The following NCK1 variants were observed in gnomAD, a reference collection of about 807,000 sequenced individuals.
NCK1 encodes the protein SH2/SH3 adapter protein NCK1.
Under a neutral mutation model 36.6 loss-of-function variants are expected in NCK1, and 19 were observed. The observed-to-expected ratio is 0.52, with a 90% CI of 0.36 to 0.76. NCK1 has a LOEUF of 0.76. NCK1 is among the 30% of genes least tolerant of loss of function. The probability of loss-of-function intolerance (pLI) is 0.00; values close to 1 mark genes in which losing one functional copy is unlikely to be tolerated. For synonymous variants in NCK1, 165 were observed against 156.0 expected (o/e 1.06, Z -0.43); for missense variants, 358 against 445.6 (o/e 0.80, Z 1.77).
intron 1 of NCK1, among the ~76,000 whole-genome samples, chr3:136,863,571 C>T (rs1938312217): frequency 6.6e-6 from 1 of 152,178 alleles, no homozygotes; most frequent in African/African-American, 2.4e-5. Flanking sequence ...ATGGTGCTTT[C>T]TTTTCATCTT....
At chr3:136,882,622 G>A (rs576976879) in intron 1 of NCK1, among the ~76,000 whole-genome samples, 1 of 151,094 alleles carries the variant, frequency 6.6e-6, no homozygotes, top group South Asian at 2.1e-4. Flanking sequence ...GCAGTCACTT[G>A]GAGCACAGGC....
chr3:136,936,360 G>GTA (rs1940531756), intron 2 of NCK1, among the ~76,000 whole-genome samples: 2 of 152,104 alleles, frequency 1.3e-5, no homozygotes, highest in Admixed American at 6.6e-5. Flanking sequence ...ACTATTATAT[G>GTA]TATATATCAC....
intron 1 of NCK1, among the ~76,000 whole-genome samples, chr3:136,878,045 G>C (rs769104759): frequency 6.6e-6 from 1 of 152,200 alleles, no homozygotes; most frequent in Non-Finnish European, 1.5e-5. Context: ...GCATTATGCT[G>C]TGAAAGAAGC....
At chr3:136,918,836 C>G (rs1940033765) in intron 1 of NCK1, among the ~76,000 whole-genome samples, 1 of 152,142 alleles carries the variant, frequency 6.6e-6, no homozygotes, top group African/African-American at 2.4e-5. Flanking sequence ...CTTTCTTGGC[C>G]TCATTGTCTT....
intron 2 of NCK1, among the ~76,000 whole-genome samples, chr3:136,930,752 A>C (rs1172301426): frequency 2.0e-5 from 3 of 152,220 alleles, no homozygotes; most frequent in Non-Finnish European, 4.4e-5. Context: ...GATATATCCA[A>C]AAATTGTAGT....
chr3:136,944,639 G>GA (rs1940764655), intron 2 of NCK1, among the ~76,000 whole-genome samples: 1 of 152,180 alleles, frequency 6.6e-6, no homozygotes, highest in South Asian at 2.1e-4. Context: ...AGAGAGTCAG[G>GA]AAAGATAGTA....
intron 2 of NCK1, among the ~76,000 whole-genome samples, chr3:136,928,983 A>G (rs1340246809): frequency 6.6e-6 from 1 of 152,026 alleles, no homozygotes; most frequent in Non-Finnish European, 1.5e-5. Flanking sequence ...TTCTTTGTCT[A>G]GGTGTAGAAG....
intron 1 of NCK1, among the ~76,000 whole-genome samples, chr3:136,891,740 G>C (rs1048088406): frequency 1.3e-5 from 2 of 152,234 alleles, no homozygotes; most frequent in Non-Finnish European, 2.9e-5. Context: ...TAACCATGGT[G>C]ATGGTTGTGA....
intron 1 of NCK1, chr3:136,867,561 A>G (rs955750436): frequency 6.6e-6 from 1 of 151,644 alleles, no homozygotes; most frequent in African/African-American, 2.4e-5. Context: ...CTTTCCTTTA[A>G]ACCCATACCC....
chr3:136,864,498 A>C (rs993845721), intron 1 of NCK1, among the ~76,000 whole-genome samples: 45 of 151,032 alleles, frequency 3.0e-4, no homozygotes, highest in Non-Finnish European at 3.2e-4. Flanking sequence ...ACACACACAA[A>C]AAAAAAACAG....
intron 1 of NCK1, among the ~76,000 whole-genome samples, chr3:136,909,464 C>G (rs1939778728): frequency 1.3e-5 from 2 of 152,178 alleles, no homozygotes; most frequent in Admixed American, 1.3e-4. Context: ...GCTGTTTCCT[C>G]TAAGAGCTTG....
chr3:136,882,542 C>T (rs1391540164), intron 1 of NCK1, among the ~76,000 whole-genome samples: 1 of 144,000 alleles, frequency 6.9e-6, no homozygotes, highest in African/African-American at 2.6e-5. Flanking sequence ...TACTTTCCCA[C>T]ATCACTGTGT....
At chr3:136,936,755 C>G (rs894840348) in intron 2 of NCK1, among the ~76,000 whole-genome samples, 1 of 152,124 alleles carries the variant, frequency 6.6e-6, no homozygotes, top group Non-Finnish European at 1.5e-5. Context: ...TTTTCATGTG[C>G]CTGTTGGCCA....
chr3:136,910,685 G>C lies in NCK1; in HGVS notation c.-18-17299G>C, dbSNP rs143830786. Among the ~76,000 whole-genome samples the C allele has an allele frequency of 7.4e-3, 1,132 of 152,056 alleles. 20 individuals are homozygous for C. Among genetic ancestry groups the C allele is most frequent in the African/African-American group, 0.025 (1,020 of 41,454 alleles). Reference sequence around the variant, plus strand: ...CAAATCATAATTTTATACTTTTCTGGGGTACAATGGGATGTTCTGACACAT... The same window carrying C: ...CAAATCATAATTTTATACTTTTCTGCGGTACAATGGGATGTTCTGACACAT... On this transcript the variant is annotated intron_variant, in intron 1 of 3. Transcript: ENST00000481752.
rs1318305789 is a variant in NCK1, at chr3:136,930,434, G to A, written c.226+2207G>A. On this transcript the variant is annotated intron_variant, in intron 2 of 3. Coordinates refer to ENST00000481752, the MANE Select transcript of NCK1 (RefSeq NM_001291999.2). ...GCCTCAGAAAAATTTTCTATTGCCT[G>A]GGTGTGGGCCAGGTCACATGGATTG... 3 of 1,232,848 alleles carry A rather than the reference G, an allele frequency of 2.4e-6. No homozygotes were observed. The African/African-American group carries it at 4.7e-5, about 19-fold the overall frequency. 76.4% of individuals were successfully genotyped at this position (1,232,848 alleles called of 1,614,324 possible). A position where few individuals can be genotyped will look rare whatever the true frequency, so the allele number is the denominator to read the frequency against.
chr3:136,920,029 C>T (rs1241503881), intron 1 of NCK1, among the ~76,000 whole-genome samples: 2 of 152,110 alleles, frequency 1.3e-5, no homozygotes, highest in African/African-American at 2.4e-5. Context: ...CCCCAATTAA[C>T]TAACTTGGAT....
At chr3:136,919,774 A>C (rs1369567234) in intron 1 of NCK1, among the ~76,000 whole-genome samples, 5 of 152,146 alleles carry the variant, frequency 3.3e-5, no homozygotes, top group Non-Finnish European at 5.9e-5. Flanking sequence ...GGTCATGATA[A>C]ATATGACCTT....
intron 1 of NCK1, chr3:136,899,583 A>T: frequency 1.6e-6 from 1 of 607,884 alleles, no homozygotes; most frequent in Non-Finnish European, 3.1e-6. Context: ...TTCCAGAAAA[A>T]TTTTCCTCTG....
chr3:136,946,313 G>C lies in NCK1; in HGVS notation c.939+18G>C. The C allele has an allele frequency of 6.3e-7, 1 of 1,577,580 alleles. No homozygotes were observed. Among genetic ancestry groups the C allele is most frequent in the Non-Finnish European group, 8.7e-7 (1 of 1,153,354 alleles). On this transcript the variant is annotated intron_variant, in intron 3 of 3. Transcript: ENST00000481752. ...AATCTTCGGTAAGTTGATTTTCGGA[G>C]GTAAATACAAATAGAGCTCTGGGTA...
Sources: gnomAD v4.1 joint callset for allele counts (sites outside exome capture counted in the v4.1 genomes callset) on GRCh38, gnomAD v4.1.1 for gene constraint, MANE v1.5 for transcripts, NCBI Gene and HGNC (gene_info 2026-07-23, HGNC 2026-07-21) for gene names.